The following SCUBE1 variants were observed in gnomAD, a reference collection of about 807,000 sequenced individuals.
The protein encoded by SCUBE1 is signal peptide, CUB domain and EGF like domain containing 1.
A neutral mutation model predicts 124.4 loss-of-function variants in SCUBE1; 59 were observed. That is an observed-to-expected ratio of 0.47 (90% CI 0.38 to 0.59). The LOEUF is 0.59. SCUBE1 is among the 20% of genes least tolerant of loss of function. The pLI is 0.00. For missense variants in SCUBE1, 1,150 were observed against 1,371.2 expected, an observed-to-expected ratio of 0.84 and a Z score of 2.55; for synonymous variants, 545 against 550.9, an observed-to-expected ratio of 0.99 and a Z score of 0.15.
chr22:43,319,603 G>C (rs1264321807), intron 3 of SCUBE1, among the ~76,000 whole-genome samples: 7 of 147,598 alleles, frequency 4.7e-5, no homozygotes, highest in Non-Finnish European at 7.4e-5. Flanking sequence ...AGGACACAGA[G>C]AGACACTAGA....
In SCUBE1 at chr22:43,202,596, C is replaced by T. The variant is rs1921049338; in HGVS notation, c.*1401G>A. ...CGGTCACAGCCCAGACTCTCTTTCTCCCGACATTTCCCTGCTTGCTTCTCT... is the reference window on the plus strand; with the variant it reads ...CGGTCACAGCCCAGACTCTCTTTCTTCCGACATTTCCCTGCTTGCTTCTCT... On this transcript the variant is annotated 3_prime_UTR_variant, in exon 22 of 22. Coordinates refer to ENST00000360835, the MANE Select transcript of SCUBE1 (RefSeq NM_173050.5). The T allele has an allele frequency of 6.6e-6, 1 of 152,056 alleles. No individual in the cohort carries two copies. The highest frequency in any genetic ancestry group is 1.5e-5 in the Non-Finnish European group (1 of 68,072). The allele number at this position is 152,056 out of a possible 1,614,324, so 9.4% of individuals were successfully genotyped here.
intron 6 of SCUBE1, among the ~76,000 whole-genome samples, chr22:43,254,376 T>C (rs1269758238): frequency 6.6e-6 from 1 of 152,150 alleles, no homozygotes; most frequent in African/African-American, 2.4e-5. Context: ...CCATATCCCC[T>C]GTGGCCCTGG....
In SCUBE1 at chr22:43,211,142, C is replaced by T. The variant is rs998259376; in HGVS notation, c.2222-59G>A. On this transcript the variant is annotated intron_variant, in intron 17 of 21. Coordinates refer to ENST00000360835, the MANE Select transcript of SCUBE1 (RefSeq NM_173050.5). The surrounding 1 kb of genome is among the most constrained non-coding windows in gnomAD (Gnocchi z 4.5). The stretch of plus-strand genomic sequence containing the variant: ...GGAGGGGTGCAGGGAAAGGGCAGCA[C>T]TGGGGTGCTGTCCCCAGGACCTCTC... 10 of 1,529,830 alleles carry T rather than the reference C, an allele frequency of 6.5e-6. No homozygotes were observed. The African/African-American group carries it at 9.6e-5, about 15-fold the overall frequency. The allele number at this position is 1,529,830 out of a possible 1,614,324, so 94.8% of individuals were successfully genotyped here.
chr22:43,299,378 G>A (rs1460598187), intron 3 of SCUBE1, among the ~76,000 whole-genome samples: 10 of 152,176 alleles, frequency 6.6e-5, no homozygotes, highest in African/African-American at 2.4e-4. Flanking sequence ...CATCAGAGGG[G>A]AGCACTCAGA....
intron 16 of SCUBE1, 43 bp downstream of exon 16, chr22:43,214,047 G>GCCCCCCCCCCCCCCCC: frequency 7.0e-6 from 1 of 143,436 alleles, no homozygotes; most frequent in East Asian, 2.8e-4. Context: ...AGGAGCCCCC[G>GCCCCCCCCCCCCCCCC]CCCACCCCCC....
chr22:43,227,471 G>A lies in SCUBE1; in HGVS notation c.1110C>T (p.Asn370=), dbSNP rs758757875. The A allele has an allele frequency of 1.2e-5, 19 of 1,612,734 alleles. No individual in the cohort carries two copies. The highest frequency in any genetic ancestry group is 8.3e-5 in the Admixed American group (5 of 59,978). ...TGACGCAGCCCTGGTCACAGCTCCC[G>A]TTGCTCATGCTGCACTCGTCCACAT... ...CGDVDECSMS[N]GSCDQGCVNT... is the part of the protein sequence containing the mutation. The change falls in exon 10 of 22, where the codon AAC becomes AAT. Residue 370 remains asparagine, a synonymous_variant. Coordinates refer to ENST00000360835, the MANE Select transcript of SCUBE1 (RefSeq NM_173050.5).
At chr22:43,322,764 C>T (rs1216751188) in intron 2 of SCUBE1, among the ~76,000 whole-genome samples, 2 of 152,172 alleles carry the variant, frequency 1.3e-5, no homozygotes, top group Non-Finnish European at 2.9e-5. Flanking sequence ...CTGTTGGTCC[C>T]AGGGTTGGTA....
Position 43,262,691 on chromosome 22 carries a change from G to A in SCUBE1, c.610+29C>T, listed in dbSNP as rs113945890. On this transcript the variant is annotated intron_variant, in intron 5 of 21. Transcript: ENST00000360835. Reference sequence around the variant, plus strand: ...AGTAATGGCAGGAGACGCACGGGACGTTTGACCCATTTGTCTCCCTCTACC... The same window carrying A: ...AGTAATGGCAGGAGACGCACGGGACATTTGACCCATTTGTCTCCCTCTACC... The A allele has an allele frequency of 9.6e-5, 154 of 1,610,972 alleles. No homozygotes were observed. In the African/African-American group the frequency reaches 1.5e-3, roughly 16 times the overall value.
intron 9 of SCUBE1, among the ~76,000 whole-genome samples, chr22:43,227,922 G>A (rs1183609920): frequency 6.6e-6 from 1 of 152,186 alleles, no homozygotes; most frequent in East Asian, 1.9e-4. Context: ...GGTGAAAGAG[G>A]TCACCGCTAA....
chr22:43,295,154 G>A (rs912165768), intron 3 of SCUBE1, among the ~76,000 whole-genome samples: 1 of 152,176 alleles, frequency 6.6e-6, no homozygotes, highest in African/African-American at 2.4e-5. Flanking sequence ...TAGTGACGAA[G>A]GTTCCCAGGT....
Position 43,322,120 on chromosome 22 carries a change from A to T in SCUBE1, c.221-2055T>A, listed in dbSNP as rs887615605. Among the ~76,000 whole-genome samples the T allele has an allele frequency of 4.6e-5, 7 of 152,192 alleles. 1 individual carries two copies. Among genetic ancestry groups the T allele is most frequent in the Admixed American group, 6.5e-5 (1 of 15,286 alleles). ...CTGCCTCAGCCTCCCAAGTAGCTGG[A>T]CTACAGGCACGTGCCACCATGCCCG... On this transcript the variant is annotated intron_variant, in intron 2 of 21. Coordinates refer to ENST00000360835, the MANE Select transcript of SCUBE1 (RefSeq NM_173050.5).
intron 3 of SCUBE1, among the ~76,000 whole-genome samples, chr22:43,298,480 C>T (rs1458517289): frequency 1.3e-5 from 2 of 152,210 alleles, no homozygotes; most frequent in Admixed American, 1.3e-4. Flanking sequence ...GCTCACTGCT[C>T]ACGTCCAAAC....
rs138816451 is a variant in SCUBE1, at chr22:43,253,651, G to A, written c.727+4568C>T. 7.9e-3 allele frequency among the ~76,000 whole-genome samples: 1,155 copies of A among 146,882 alleles called. 8 individuals carry two copies. The highest frequency in any genetic ancestry group is 0.012 in the Non-Finnish European group (840 of 67,520). On this transcript the variant is annotated intron_variant, in intron 6 of 21. Transcript: ENST00000360835. ...CCTCCTCACCTCCTGACCCCACTCC[G>A]GGGTCTGGTTCTGGGCCTTTATCCA...
intron 2 of SCUBE1, 131 bp from the exon 3 acceptor site, chr22:43,320,196 G>A: frequency 1.8e-6 from 2 of 1,112,642 alleles, no homozygotes. Flanking sequence ...TCCTCCCTGG[G>A]AGCTGAGGAC....
At chr22:43,286,461 A>ACAGC (rs1277783040) in intron 4 of SCUBE1, among the ~76,000 whole-genome samples, 1 of 152,254 alleles carries the variant, frequency 6.6e-6, no homozygotes, top group Non-Finnish European at 1.5e-5. Flanking sequence ...GCCCTGCAGG[A>ACAGC]CAGCCTCCTG....
intron 3 of SCUBE1, among the ~76,000 whole-genome samples, chr22:43,306,665 G>A (rs369272701): frequency 7.0e-4 from 107 of 152,286 alleles, no homozygotes; most frequent in African/African-American, 2.5e-3. Context: ...GGCCCACCAT[G>A]TGCCACCTTC....
At chr22:43,326,313 C>T (rs921377255) in intron 2 of SCUBE1, among the ~76,000 whole-genome samples, 10 of 152,092 alleles carry the variant, frequency 6.6e-5, no homozygotes, top group Non-Finnish European at 1.0e-4. Flanking sequence ...TAAGAAAAAC[C>T]GTGCCCTCCT....
At chr22:43,280,086 T>C (rs1924702857) in intron 4 of SCUBE1, among the ~76,000 whole-genome samples, 1 of 152,074 alleles carries the variant, frequency 6.6e-6, no homozygotes, top group South Asian at 2.1e-4. Context: ...GCAGCGGCCC[T>C]CTGCACAAGG....
rs139636499 is a variant in SCUBE1 at position 43,314,103 on chromosome 22, G to C, written c.349+5834C>G. Reference sequence around the variant, plus strand: ...TGGGGTGAGGTTTAGTGACTGCCCAGAGGCAGCCAAGAATGCACAAGGCAG... The same window carrying C: ...TGGGGTGAGGTTTAGTGACTGCCCACAGGCAGCCAAGAATGCACAAGGCAG... On this transcript the variant is annotated intron_variant, in intron 3 of 21. Coordinates refer to ENST00000360835, the MANE Select transcript of SCUBE1 (RefSeq NM_173050.5). Among the ~76,000 whole-genome samples, 343 of 152,254 alleles carry C rather than the reference G, an allele frequency of 2.3e-3. 1 individual carries two copies. The highest frequency in any genetic ancestry group is 7.4e-3 in the African/African-American group (307 of 41,536).
Sources: gnomAD v4.1 joint callset for allele counts (sites outside exome capture counted in the v4.1 genomes callset) on GRCh38, gnomAD v4.1.1 for gene constraint, Gnocchi (gnomAD v3.1) non-coding constraint, MANE v1.5 for transcripts, NCBI Gene and HGNC (gene_info 2026-07-23, HGNC 2026-07-21) for gene names.